The following P4HA1 variants were observed in gnomAD, a reference collection of about 807,000 sequenced individuals.
The protein encoded by P4HA1 is prolyl 4-hydroxylase subunit alpha-1.
P4HA1 carries 24 observed loss-of-function variants against 72.8 expected under a neutral mutation model. The ratio of observed to expected loss-of-function variants is 0.33; its 90% CI spans 0.24 to 0.46. The LOEUF (loss-of-function observed/expected upper bound fraction) is 0.46. P4HA1 is among the 20% of genes least tolerant of loss of function. P4HA1 has a pLI of 1.00. For synonymous variants in P4HA1, 201 were observed against 218.8 expected, an observed-to-expected ratio of 0.92 and a Z score of 0.72; for missense variants, 446 against 640.6, an observed-to-expected ratio of 0.70 and a Z score of 3.28.
At position 73,041,544 on chromosome 10, in the gene P4HA1, C is replaced by T. The variant is rs989386628; in HGVS notation, c.1148+3437G>A. ...GGCGACAGAGCAAGACTCCATCCCCCCCCCAAAAAAAAAAAAAAAGAATTC... is the reference window on the plus strand; with the variant it reads ...GGCGACAGAGCAAGACTCCATCCCCTCCCCAAAAAAAAAAAAAAAGAATTC... On this transcript the variant is annotated intron_variant, in intron 9 of 14. Coordinates refer to ENST00000394890, the MANE Select transcript of P4HA1 (RefSeq NM_001017962.3). 2.2e-4 allele frequency among the ~76,000 whole-genome samples: 32 copies of T among 143,898 alleles called. No individual in the cohort carries two copies. In the South Asian group the frequency reaches 4.5e-3, roughly 20 times the overall value. The allele number at this position is 143,898 out of a possible 152,430, so 94.4% of individuals were successfully genotyped here. A position where few individuals can be genotyped will look rare whatever the true frequency, so the allele number is the denominator to read the frequency against.
intron 5 of P4HA1, among the ~76,000 whole-genome samples, chr10:73,064,229 G>A (rs1278899482): frequency 3.9e-5 from 6 of 152,154 alleles, no homozygotes; most frequent in Admixed American, 3.9e-4. Context: ...CACTTTGGGA[G>A]GCTGCGGGGT....
At chr10:73,039,341 C>A (rs1337305387) in intron 9 of P4HA1, among the ~76,000 whole-genome samples, 1 of 152,002 alleles carries the variant, frequency 6.6e-6, no homozygotes, top group African/African-American at 2.4e-5. Flanking sequence ...GAGTCTCGCT[C>A]TGTTGCCCAG....
chr10:73,073,883 G>T (rs1223814778), intron 2 of P4HA1, 56 bp from the exon 3 acceptor site: 5 of 824,770 alleles, frequency 6.1e-6, no homozygotes, highest in Non-Finnish European at 1.1e-5. Flanking sequence ...AGTATGTTAA[G>T]AATAAGAATG....
intron 5 of P4HA1, among the ~76,000 whole-genome samples, chr10:73,059,532 A>G (rs931823070): frequency 6.8e-6 from 1 of 146,988 alleles, no homozygotes; most frequent in Admixed American, 6.8e-5. Context: ...TCATGAGGTC[A>G]GGAGATCGAG....
At chr10:73,085,523 A>ACAGC in intron 1 of P4HA1, among the ~76,000 whole-genome samples, 1 of 152,020 alleles carries the variant, frequency 6.6e-6, no homozygotes, top group Non-Finnish European at 1.5e-5. Context: ...AGCTGGGATT[A>ACAGC]CAGCCATGTG....
chr10:73,089,003 C>T (rs902609311), intron 1 of P4HA1, among the ~76,000 whole-genome samples: 7 of 152,134 alleles, frequency 4.6e-5, no homozygotes, highest in Admixed American at 6.6e-5. Flanking sequence ...ATTTTAGAAT[C>T]GGCTCATTAA....
chr10:73,014,152 C>T (rs1356898575), intron 12 of P4HA1, 72 bp downstream of exon 12: 5 of 1,039,840 alleles, frequency 4.8e-6, no homozygotes, highest in Non-Finnish European at 7.6e-6. Context: ...CTACACAGAA[C>T]AAACTTAAAA....
At chr10:73,079,602 C>T (rs1210858154) in intron 1 of P4HA1, among the ~76,000 whole-genome samples, 11 of 151,930 alleles carry the variant, frequency 7.2e-5, no homozygotes, top group African/African-American at 2.7e-4. Context: ...ATTAGCCGGG[C>T]GTGGTGGCAG....
chr10:73,093,546 A>T (rs1842080837), intron 1 of P4HA1, among the ~76,000 whole-genome samples: 1 of 151,928 alleles, frequency 6.6e-6, no homozygotes, highest in Non-Finnish European at 1.5e-5. Flanking sequence ...TTGAATAGAA[A>T]CACAAAGCTT....
At chr10:73,012,714 A>G (rs1368621107) in intron 12 of P4HA1, among the ~76,000 whole-genome samples, 1 of 152,224 alleles carries the variant, frequency 6.6e-6, no homozygotes, top group Non-Finnish European at 1.5e-5. Flanking sequence ...CAACAAAAAG[A>G]TGTAATTCAA....
intron 4 of P4HA1, among the ~76,000 whole-genome samples, chr10:73,070,567 G>A (rs1841535101): frequency 6.6e-6 from 1 of 150,590 alleles, no homozygotes; most frequent in African/African-American, 2.5e-5. Flanking sequence ...AAGTGCAGTG[G>A]CTTTTTACCA....
At chr10:73,027,703 AAG>A (rs1172455564) in intron 10 of P4HA1, among the ~76,000 whole-genome samples, 65 of 142,874 alleles carry the variant, frequency 4.5e-4, no homozygotes, top group African/African-American at 1.5e-3. Flanking sequence ...GGGAGGGAGG[AAG>A]AGAGAGAAGA....
Position 73,072,121 on chromosome 10 carries a change from A to G in P4HA1, c.233T>C (p.Val78Ala). Reference sequence around the variant, plus strand: ...TTTGAATGCATTTACTGGATGCCCAACAAATCCTTCTGGATCTTTTGTCGC... The same window carrying G: ...TTTGAATGCATTTACTGGATGCCCAGCAAATCCTTCTGGATCTTTTGTCGC... Reference protein sequence around the residue: ...STATKDPEGFVGHPVNAFKLM... With the variant: ...STATKDPEGFAGHPVNAFKLM... Residue 78 changes from valine to alanine, a missense_variant, in exon 4 of 15, where the codon GTT (valine) becomes GCT (alanine). Physicochemically the swap from Val to Ala is moderately conservative, Grantham distance 64 (BLOSUM62 0). Transcript: ENST00000394890. 1 of 1,613,364 alleles carries G rather than the reference A, an allele frequency of 6.2e-7. No individual in the cohort carries two copies. The highest frequency in any genetic ancestry group is 8.5e-7 in the Non-Finnish European group (1 of 1,179,378).
intron 1 of P4HA1, among the ~76,000 whole-genome samples, chr10:73,077,833 C>A (rs1272784607): frequency 8.9e-5 from 13 of 146,398 alleles, no homozygotes; most frequent in Non-Finnish European, 1.8e-4. Context: ...AAAAAAAAAT[C>A]AAAAAATTAG....
rs976129578 is a variant in P4HA1, at chr10:73,007,320, TAAA to T, written c.*899_*901del. On this transcript the variant is annotated 3_prime_UTR_variant, in exon 15 of 15. Coordinates refer to ENST00000394890, the MANE Select transcript of P4HA1 (RefSeq NM_001017962.3). ...TTTGGCTTTCTAAGAAAAAGACTTT[TAAA>T]AAAAATCAATTCCCTCATCACTGAA... is the stretch of plus-strand genomic sequence containing the variant. 6.6e-6 allele frequency: 1 copy of T among 152,460 alleles called. No homozygotes were observed. Among genetic ancestry groups the T allele is most frequent in the Non-Finnish European group, 1.5e-5 (1 of 67,988 alleles). 9.4% of individuals were successfully genotyped at this position (152,460 alleles called of 1,614,324 possible).
At chr10:73,081,871 A>G (rs994213250) in intron 1 of P4HA1, among the ~76,000 whole-genome samples, 18 of 152,226 alleles carry the variant, frequency 1.2e-4, no homozygotes, top group South Asian at 6.2e-4. Context: ...TGTCTCTACT[A>G]TGGGCGTGGT....
intron 4 of P4HA1, among the ~76,000 whole-genome samples, chr10:73,069,781 T>C (rs1039274698): frequency 2.0e-5 from 3 of 151,960 alleles, no homozygotes; most frequent in Non-Finnish European, 4.4e-5. Context: ...GACTTCCCTC[T>C]CTTCTCATTA....
intron 1 of P4HA1, among the ~76,000 whole-genome samples, chr10:73,075,805 AG>A (rs1841685414): frequency 1.3e-5 from 2 of 151,844 alleles, no homozygotes; most frequent in African/African-American, 2.4e-5. Context: ...TCCTGACCTC[AG>A]GTGATCCGCC....
intron 1 of P4HA1, among the ~76,000 whole-genome samples, chr10:73,086,264 A>G (rs1737348230): frequency 6.6e-6 from 1 of 152,266 alleles, no homozygotes; most frequent in South Asian, 2.1e-4. Flanking sequence ...ATAATAGCCA[A>G]AAGGGTGGAA....
Sources: allele counts gnomAD v4.1 joint callset (sites outside exome capture counted in the v4.1 genomes callset), GRCh38; gene constraint gnomAD v4.1.1; transcripts MANE v1.5; gene names NCBI Gene and HGNC (gene_info 2026-07-23, HGNC 2026-07-21).